Variants in ROBO1 observed in about 807,000 individuals in gnomAD.
The protein encoded by ROBO1 is roundabout guidance receptor 1, also known as roundabout homolog 1.
Under a neutral mutation model 195.9 loss-of-function variants are expected in ROBO1, and 149 were observed. The observed-to-expected ratio is 0.76, with a 90% confidence interval of 0.67 to 0.87. The LOEUF (loss-of-function observed/expected upper bound fraction) is 0.87, where lower values mean the gene tolerates loss of function less well. ROBO1 is among the 40% of genes least tolerant of loss of function. ROBO1 has a pLI of 0.00. For synonymous variants in ROBO1, 816 were observed against 733.2 expected (o/e 1.11, Z -1.82); for missense variants, 1,933 against 2,068.3 (o/e 0.93, Z 1.27).
At chr3:78,725,430 A>T (rs1211416440) in intron 5 of ROBO1, among the ~76,000 whole-genome samples, 1 of 152,224 alleles carries the variant, frequency 6.6e-6, no homozygotes, top group African/African-American at 2.4e-5. Flanking sequence ...TGTTTAATAC[A>T]TATGATTTTT....
chr3:79,017,092 T>A (rs1217257041), intron 3 of ROBO1, among the ~76,000 whole-genome samples: 5 of 152,186 alleles, frequency 3.3e-5, no homozygotes, highest in Non-Finnish European at 7.3e-5. Context: ...GGTTGAAACT[T>A]CACTTTCTGT....
chr3:79,000,226 G>A lies in ROBO1; in HGVS notation c.173-61299C>T, dbSNP rs558794142. 9.9e-5 allele frequency among the ~76,000 whole-genome samples: 15 copies of A among 152,234 alleles called. No homozygotes were observed. The South Asian group carries it at 3.1e-3, about 31-fold the overall frequency. ...CAGCAAGGAGAAGTGCACAGCAAAA[G>A]AGGAAAAGCCCCTTAGAAAACCATC... is the stretch of plus-strand genomic sequence containing the variant. On this transcript the variant is annotated intron_variant, in intron 3 of 30. Transcript: ENST00000464233.
At chr3:79,337,502 C>G (rs1339966661) in intron 2 of ROBO1, among the ~76,000 whole-genome samples, 1 of 152,108 alleles carries the variant, frequency 6.6e-6, no homozygotes, top group Non-Finnish European at 1.5e-5. Flanking sequence ...GTTTGCTTCC[C>G]CTTCTGCAAT....
At chr3:79,295,626 C>T (rs2032546381) in intron 2 of ROBO1, among the ~76,000 whole-genome samples, 1 of 151,778 alleles carries the variant, frequency 6.6e-6, no homozygotes, top group Non-Finnish European at 1.5e-5. Flanking sequence ...GATTGTCTCA[C>T]AAATGCTTCT....
chr3:78,864,786 A>C (rs1333841811), intron 4 of ROBO1, among the ~76,000 whole-genome samples: 2 of 151,834 alleles, frequency 1.3e-5, no homozygotes, highest in Admixed American at 1.3e-4. Flanking sequence ...TCTCTAGTTT[A>C]ACCCTGTTTG....
chr3:79,469,312 G>C (rs1234664460), intron 2 of ROBO1, among the ~76,000 whole-genome samples: 1 of 152,146 alleles, frequency 6.6e-6, no homozygotes, highest in African/African-American at 2.4e-5. Context: ...AGAATGAATT[G>C]AGATTAGTAT....
chr3:78,875,007 T>C (rs756493795), intron 4 of ROBO1, among the ~76,000 whole-genome samples: 1 of 152,134 alleles, frequency 6.6e-6, no homozygotes, highest in East Asian at 1.9e-4. Flanking sequence ...CATTTAAAGA[T>C]AGAAATCTGA....
intron 2 of ROBO1, among the ~76,000 whole-genome samples, chr3:79,216,877 C>A (rs984463774): frequency 8.6e-5 from 13 of 151,976 alleles, no homozygotes; most frequent in Non-Finnish European, 1.6e-4. Context: ...CTTGGTGATA[C>A]AAAAGCTACT....
At chr3:79,712,316 T>C (rs1702309407) in intron 1 of ROBO1, among the ~76,000 whole-genome samples, 2 of 151,990 alleles carry the variant, frequency 1.3e-5, no homozygotes, top group Admixed American at 6.6e-5. Context: ...CCAGTGAACA[T>C]AGGGATGATA....
intron 2 of ROBO1, among the ~76,000 whole-genome samples, chr3:79,268,714 A>G (rs1374274488): frequency 6.6e-6 from 1 of 151,632 alleles, no homozygotes; most frequent in Non-Finnish European, 1.5e-5. Flanking sequence ...TATGAGTAAT[A>G]CCTTGGTTCC....
chr3:79,625,686 T>C (rs1248214292), intron 1 of ROBO1, among the ~76,000 whole-genome samples: 2 of 151,920 alleles, frequency 1.3e-5, no homozygotes, highest in African/African-American at 4.8e-5. Context: ...AATAGACCAA[T>C]AACAAGTTCT....
At chr3:79,435,427 C>T (rs1028093834) in intron 2 of ROBO1, among the ~76,000 whole-genome samples, 2 of 152,082 alleles carry the variant, frequency 1.3e-5, no homozygotes, top group Non-Finnish European at 1.5e-5. Flanking sequence ...ACATGCAGCA[C>T]TTTTCTCTGA....
intron 2 of ROBO1, among the ~76,000 whole-genome samples, chr3:79,417,619 A>G (rs2038059343): frequency 1.3e-5 from 2 of 152,108 alleles, no homozygotes; most frequent in South Asian, 4.1e-4. Flanking sequence ...CATCCCAACT[A>G]CTTCCAAAAC....
intron 2 of ROBO1, among the ~76,000 whole-genome samples, chr3:79,229,326 C>T (rs776835909): frequency 1.3e-5 from 2 of 152,058 alleles, no homozygotes; most frequent in Non-Finnish European, 2.9e-5. Context: ...GGAGAAGCAT[C>T]AGTCATATGA....
chr3:79,094,560 A>G (rs1483540513), intron 3 of ROBO1, among the ~76,000 whole-genome samples: 1 of 152,178 alleles, frequency 6.6e-6, no homozygotes, highest in African/African-American at 2.4e-5. Flanking sequence ...ATTAAAAAAT[A>G]ATGAGATTGC....
At chr3:79,435,784 G>A (rs2038863626) in intron 2 of ROBO1, among the ~76,000 whole-genome samples, 1 of 152,110 alleles carries the variant, frequency 6.6e-6, no homozygotes, top group Non-Finnish European at 1.5e-5. Flanking sequence ...TTGTATCAGA[G>A]GGTTGCCCTT....
At chr3:79,059,239 T>A (rs2078869596) in intron 3 of ROBO1, among the ~76,000 whole-genome samples, 1 of 152,042 alleles carries the variant, frequency 6.6e-6, no homozygotes. Context: ...ATAACTAAAT[T>A]AAAGAAACAA....
At chr3:79,603,227 G>A (rs1944388738) in intron 1 of ROBO1, among the ~76,000 whole-genome samples, 1 of 151,744 alleles carries the variant, frequency 6.6e-6, no homozygotes, top group South Asian at 2.1e-4. Context: ...TTTAATGGAT[G>A]AGGTCTACTA....
At chr3:78,853,386 A>T (rs1297038266) in intron 4 of ROBO1, among the ~76,000 whole-genome samples, 1 of 151,406 alleles carries the variant, frequency 6.6e-6, no homozygotes, top group East Asian at 1.9e-4. Context: ...TATTAAGTAT[A>T]GGATATGTGC....
Sources: gnomAD v4.1 joint callset for allele counts (sites outside exome capture counted in the v4.1 genomes callset) on GRCh38, gnomAD v4.1.1 for gene constraint, MANE v1.5 for transcripts, NCBI Gene and HGNC (gene_info 2026-07-23, HGNC 2026-07-21) for gene names.